The following ADAMTSL1 variants were observed in gnomAD, a reference collection of about 807,000 sequenced individuals.
ADAMTSL1 encodes ADAMTS-like protein 1.
A neutral mutation model predicts 201.8 loss-of-function variants in ADAMTSL1; 126 were observed. That is an observed-to-expected ratio of 0.62 (90% CI 0.54 to 0.72). The LOEUF (loss-of-function observed/expected upper bound fraction) is 0.72, where lower values mean the gene tolerates loss of function less well. Among genes scored for constraint, ADAMTSL1 ranks in the 30% least tolerant of loss-of-function variants. The pLI is 0.00. For synonymous variants in ADAMTSL1, 1,121 were observed against 903.4 expected (o/e 1.24, Z -4.32); for missense variants, 2,679 against 2,277.8 (o/e 1.18, Z -3.59).
At chr9:18,160,739 G>A (rs1827349383) in intron 1 of ADAMTSL1, among the ~76,000 whole-genome samples, 1 of 151,210 alleles carries the variant, frequency 6.6e-6, no homozygotes, top group Admixed American at 6.6e-5. Context: ...GAGTGTAGTG[G>A]CACAGTCATG....
intron 2 of ADAMTSL1, among the ~76,000 whole-genome samples, chr9:18,280,490 T>C (rs917704243): frequency 8.5e-5 from 13 of 152,290 alleles, no homozygotes; most frequent in African/African-American, 2.9e-4. Flanking sequence ...TTGGCAAGAA[T>C]TGCCATTTGA....
intron 2 of ADAMTSL1, among the ~76,000 whole-genome samples, chr9:18,208,169 G>A (rs948191675): frequency 5.3e-5 from 8 of 152,062 alleles, no homozygotes; most frequent in Admixed American, 1.3e-4. Flanking sequence ...TCACTAAGTG[G>A]CAGCTGCTAT....
chr9:18,235,780 A>G (rs1830824803), intron 2 of ADAMTSL1, among the ~76,000 whole-genome samples: 1 of 152,152 alleles, frequency 6.6e-6, no homozygotes, highest in Non-Finnish European at 1.5e-5. Flanking sequence ...TGATCTTAGC[A>G]GAGCTCAAGA....
chr9:18,786,785 G>A (rs917632541), intron 19 of ADAMTSL1, among the ~76,000 whole-genome samples: 1 of 152,222 alleles, frequency 6.6e-6, no homozygotes, highest in Non-Finnish European at 1.5e-5. Context: ...ATCATGAGGG[G>A]ATGTTGATAT....
intron 2 of ADAMTSL1, among the ~76,000 whole-genome samples, chr9:18,384,390 T>A (rs1173305745): frequency 1.3e-5 from 2 of 152,070 alleles, no homozygotes; most frequent in African/African-American, 4.8e-5. Context: ...TCCCCCAACA[T>A]TGGGAATTAC....
At chr9:18,180,824 C>T (rs554015658) in intron 2 of ADAMTSL1, among the ~76,000 whole-genome samples, 49 of 152,248 alleles carry the variant, frequency 3.2e-4, no homozygotes, top group African/African-American at 1.1e-3. Flanking sequence ...GCCCGCATCG[C>T]CAAGTCAATC....
Position 18,155,622 on chromosome 9 carries a change from T to C in ADAMTSL1, c.88-8240T>C, listed in dbSNP as rs1467528394. The stretch of plus-strand genomic sequence containing the variant: ...GTATTTTATGTATGCCTCAAGACAA[T>C]TCTTCTTCCATGTGGCCTAGAGAAG... On this transcript the variant is annotated intron_variant, in intron 1 of 29. Coordinates refer to the ADAMTSL1 transcript ENST00000680146. 2.6e-5 allele frequency among the ~76,000 whole-genome samples: 4 copies of C among 152,148 alleles called. No homozygotes were observed. In the South Asian group the frequency reaches 6.2e-4, roughly 24 times the overall value.
At chr9:18,103,392 T>G (rs542901659) in intron 1 of ADAMTSL1, among the ~76,000 whole-genome samples, 1 of 152,276 alleles carries the variant, frequency 6.6e-6, no homozygotes, top group South Asian at 2.1e-4. Flanking sequence ...CTCAAGCGAT[T>G]GTAATCTTTT....
chr9:18,603,870 G>A (rs1824831315), intron 4 of ADAMTSL1, among the ~76,000 whole-genome samples: 1 of 152,108 alleles, frequency 6.6e-6, no homozygotes, highest in Admixed American at 6.5e-5. Context: ...TACCAAAATT[G>A]TTAGAAATAG....
intron 13 of ADAMTSL1, among the ~76,000 whole-genome samples, chr9:18,687,922 C>G (rs918681460): frequency 1.3e-5 from 2 of 152,074 alleles, no homozygotes; most frequent in Non-Finnish European, 2.9e-5. Flanking sequence ...CATAGAACCA[C>G]TGAAATAAAT....
intron 1 of ADAMTSL1, among the ~76,000 whole-genome samples, chr9:18,156,637 T>TACAC (rs56324477): frequency 0.31 from 46,183 of 150,204 alleles, 7,052 homozygotes; most frequent in Admixed American, 0.39. Flanking sequence ...CATAAACACA[T>TACAC]ACACACACAC....
intron 2 of ADAMTSL1, among the ~76,000 whole-genome samples, chr9:18,257,919 A>G (rs1831752601): frequency 1.3e-5 from 2 of 152,260 alleles, no homozygotes; most frequent in South Asian, 4.1e-4. Flanking sequence ...AGGAAACTTC[A>G]TAGAGACAGA....
At chr9:18,611,904 A>G (rs563551751) in intron 4 of ADAMTSL1, among the ~76,000 whole-genome samples, 5 of 152,262 alleles carry the variant, frequency 3.3e-5, no homozygotes, top group African/African-American at 1.2e-4. Flanking sequence ...ATGCAGAAAG[A>G]GTGTGGCTTT....
intron 1 of ADAMTSL1, among the ~76,000 whole-genome samples, chr9:18,474,821 ATTTATGGATAGAAG>A (rs928028928): frequency 1.8e-4 from 28 of 152,286 alleles, no homozygotes; most frequent in African/African-American, 6.5e-4. Context: ...ACTGCAAGTC[ATTTATGGATAGAAG>A]TTAATGCTAG....
In ADAMTSL1 at chr9:18,887,891, T is replaced by C; in HGVS notation, c.4310T>C (p.Ile1437Thr). The C allele has an allele frequency of 6.2e-7, 1 of 1,613,992 alleles. No homozygotes were observed. Among genetic ancestry groups the C allele is most frequent in the Non-Finnish European group, 8.5e-7 (1 of 1,179,888 alleles). The change falls in exon 24 of 29, where the codon ATT becomes ACT. Residue 1437 changes from isoleucine to threonine, a missense_variant. Physicochemically the swap from Ile to Thr is moderately conservative, Grantham distance 89. Transcript: ENST00000380548. ...NITWFHGGQP[I>T]VTATGLTHHI... ...ACCTGGTTTCATGGTGGTCAGCCAA[T>C]TGTCACTGCCACAGGACTGACGCAT...
intron 2 of ADAMTSL1, among the ~76,000 whole-genome samples, chr9:18,397,157 C>T (rs1297902241): frequency 6.6e-6 from 1 of 151,942 alleles, no homozygotes; most frequent in Non-Finnish European, 1.5e-5. Flanking sequence ...CCCTTTTTCC[C>T]CCACTCTTTT....
chr9:18,022,428 A>G (rs1378190976), intron 1 of ADAMTSL1, among the ~76,000 whole-genome samples: 1 of 152,086 alleles, frequency 6.6e-6, no homozygotes, highest in East Asian at 1.9e-4. Flanking sequence ...TGCTGCCACA[A>G]TATCCTCCCT....
intron 2 of ADAMTSL1, among the ~76,000 whole-genome samples, chr9:18,531,070 G>A (rs572124441): frequency 6.6e-6 from 1 of 152,288 alleles, no homozygotes; most frequent in South Asian, 2.1e-4. Flanking sequence ...TTCAGCAATA[G>A]CACCAAGAAC....
intron 1 of ADAMTSL1, among the ~76,000 whole-genome samples, chr9:18,060,881 C>A (rs1182013565): frequency 6.6e-6 from 1 of 152,144 alleles, no homozygotes; most frequent in East Asian, 1.9e-4. Context: ...ACCAGAAAAT[C>A]TCAGTAATGG....
Sources: allele counts gnomAD v4.1 joint callset (sites outside exome capture counted in the v4.1 genomes callset), GRCh38; gene constraint gnomAD v4.1.1; transcripts MANE v1.5; gene names NCBI Gene and HGNC (gene_info 2026-07-23, HGNC 2026-07-21).